ST6GAL2: variants seen among roughly 807,000 people sequenced by gnomAD.
ST6GAL2 encodes beta-galactoside alpha-2,6-sialyltransferase 2.
In ST6GAL2, 24 loss-of-function variants were observed where a neutral mutation model predicts 37.5. The observed-to-expected ratio is 0.64, with a 90% confidence interval of 0.46 to 0.90. The LOEUF (loss-of-function observed/expected upper bound fraction) is 0.90. ST6GAL2 is among the 40% of genes least tolerant of loss of function. The probability of loss-of-function intolerance (pLI) is 0.00; values close to 1 mark genes in which losing one functional copy is unlikely to be tolerated. For missense variants in ST6GAL2, 715 were observed against 712.7 expected, an observed-to-expected ratio of 1.00 and a Z score of -0.04; for synonymous variants, 306 against 295.1, an observed-to-expected ratio of 1.04 and a Z score of -0.38.
intron 1 of ST6GAL2, among the ~76,000 whole-genome samples, chr2:106,852,762 T>A (rs1377464386): frequency 6.6e-6 from 1 of 152,072 alleles, no homozygotes; most frequent in African/African-American, 2.4e-5. Context: ...GGTTAGGCTG[T>A]TGTAGGGTTA....
chr2:106,842,556 CCT>C (rs1275563764), intron 2 of ST6GAL2, among the ~76,000 whole-genome samples: 2 of 152,176 alleles, frequency 1.3e-5, no homozygotes, highest in Non-Finnish European at 2.9e-5. Context: ...GAGCTGACGC[CCT>C]GATTGGGCAG....
At chr2:106,870,900 C>T (rs1678236060) in intron 1 of ST6GAL2, among the ~76,000 whole-genome samples, 1 of 152,114 alleles carries the variant, frequency 6.6e-6, no homozygotes, top group African/African-American at 2.4e-5. Context: ...GATCTAAGAT[C>T]ATTAAGCAAA....
intron 2 of ST6GAL2, among the ~76,000 whole-genome samples, chr2:106,841,592 A>G (rs1311773833): frequency 6.6e-6 from 1 of 152,142 alleles, no homozygotes; most frequent in East Asian, 1.9e-4. Context: ...GCCTGGGAAG[A>G]AGGGGGGTTC....
chr2:106,844,102 A>G, intron 1 of ST6GAL2, 68 bp from the exon 2 acceptor site: 2 of 732,550 alleles, frequency 2.7e-6, no homozygotes, highest in East Asian at 2.6e-5. Context: ...GGGACATTCT[A>G]TCTTGAGCAG....
intron 2 of ST6GAL2, among the ~76,000 whole-genome samples, chr2:106,835,232 G>T (rs1676587284): frequency 6.6e-6 from 1 of 152,212 alleles, no homozygotes. Context: ...CAAGGACAGT[G>T]CCTGTCTGTG....
chr2:106,879,287 C>A (rs1161076458), intron 1 of ST6GAL2, among the ~76,000 whole-genome samples: 7 of 152,142 alleles, frequency 4.6e-5, no homozygotes, highest in Non-Finnish European at 1.5e-5. Context: ...CTCTGTGGGG[C>A]AAAGTGTAGA....
rs2166849 is a variant in ST6GAL2 at position 106,849,922 on chromosome 2, T to C, written c.-57-5888A>G. 0.011 allele frequency among the ~76,000 whole-genome samples: 1,631 copies of C among 152,310 alleles called. 132 individuals carry two copies. The East Asian group carries it at 0.22, about 20-fold the overall frequency. ...GCTAAACCAATGCACACCTTTCATG[T>C]ATTGATTAATGATTTTATCTACAAT... On this transcript the variant is annotated intron_variant, in intron 1 of 5. Transcript: ENST00000409382.
chr2:106,853,677 T>A (rs1440153631), intron 1 of ST6GAL2, among the ~76,000 whole-genome samples: 1 of 152,184 alleles, frequency 6.6e-6, no homozygotes, highest in African/African-American at 2.4e-5. Context: ...GATACCATTA[T>A]CTTTCTGGGT....
chr2:106,884,934 T>TATATATATATATATATATACACACACAC (rs1425070594), intron 1 of ST6GAL2, among the ~76,000 whole-genome samples: 1 of 120,470 alleles, frequency 8.3e-6, no homozygotes, highest in African/African-American at 3.6e-5. Context: ...TATATATATA[T>TATATATATATATATATATACACACACAC]ACATACACAC....
rs1216508775 is a variant in ST6GAL2, at chr2:106,832,678, C to T, written c.1042-12G>A. On this transcript the variant is annotated splice_polypyrimidine_tract_variant and intron_variant, in intron 3 of 5. Coordinates refer to ENST00000409382, the MANE Select transcript of ST6GAL2 (RefSeq NM_001142351.2). ...GGGTTGGTCAGAATCTGCAAACACA[C>T]AGAAAAACCATTTCAAAGCCAGGGT... The T allele has an allele frequency of 2.0e-6, 3 of 1,534,144 alleles. No homozygotes were observed. Among genetic ancestry groups the T allele is most frequent in the East Asian group, 2.2e-5 (1 of 44,492 alleles).
chr2:106,833,279 C>G (rs1414732258), intron 3 of ST6GAL2, among the ~76,000 whole-genome samples: 1 of 151,526 alleles, frequency 6.6e-6, no homozygotes, highest in Non-Finnish European at 1.5e-5. Context: ...GATATGTATT[C>G]TAATTTGGTG....
At chr2:106,846,340 CA>C (rs1016956694) in intron 1 of ST6GAL2, among the ~76,000 whole-genome samples, 2 of 152,030 alleles carry the variant, frequency 1.3e-5, no homozygotes, top group African/African-American at 2.4e-5. Context: ...ATTTTAGATT[CA>C]GGGGTACATG....
chr2:106,849,794 C>A (rs981634841), intron 1 of ST6GAL2, among the ~76,000 whole-genome samples: 1 of 152,202 alleles, frequency 6.6e-6, no homozygotes, highest in Admixed American at 6.5e-5. Context: ...TGACTTCAAG[C>A]CTTGAGACAA....
chr2:106,807,443 A>G (rs1391896001), intron 5 of ST6GAL2, among the ~76,000 whole-genome samples: 1 of 152,238 alleles, frequency 6.6e-6, no homozygotes, highest in African/African-American at 2.4e-5. Flanking sequence ...GTAACATAAA[A>G]CTGTACAATG....
intron 2 of ST6GAL2, among the ~76,000 whole-genome samples, chr2:106,841,441 G>C (rs954861811): frequency 6.6e-6 from 1 of 152,218 alleles, no homozygotes; most frequent in Non-Finnish European, 1.5e-5. Flanking sequence ...CTGGACTTGA[G>C]GCTGACGCTG....
chr2:106,881,347 C>T lies in ST6GAL2; in HGVS notation c.-58+4746G>A, dbSNP rs140156300. On this transcript the variant is annotated intron_variant, in intron 1 of 5. Coordinates refer to ENST00000409382, the MANE Select transcript of ST6GAL2 (RefSeq NM_001142351.2). Reference sequence around the variant, plus strand: ...AAAATATAATTTACATAGCAAGATCCCTCTTCTAACAGTACAAACAAATCC... The same window carrying T: ...AAAATATAATTTACATAGCAAGATCTCTCTTCTAACAGTACAAACAAATCC... Among the ~76,000 whole-genome samples, 60 of 152,218 alleles carry T rather than the reference C, an allele frequency of 3.9e-4. No homozygotes were observed. The East Asian group carries it at 0.01, about 25-fold the overall frequency.
chr2:106,826,379 C>T (rs1371913827), intron 5 of ST6GAL2, among the ~76,000 whole-genome samples: 2 of 151,864 alleles, frequency 1.3e-5, no homozygotes, highest in African/African-American at 2.4e-5. Flanking sequence ...ACAGAGTGGG[C>T]GGGAGGTGGT....
At position 106,805,214 on chromosome 2, in the gene ST6GAL2, C is replaced by T. The variant is rs143901423; in HGVS notation, c.*1464G>A. 79 of 152,324 alleles carry T rather than the reference C, an allele frequency of 5.2e-4. 1 individual carries two copies. The highest frequency in any genetic ancestry group is 1.9e-3 in the African/African-American group (79 of 41,580). 9.4% of individuals were successfully genotyped at this position (152,324 alleles called of 1,614,324 possible). ...CCACTAAACTCTCCTGACATTCATA[C>T]ATTTTGCAAGGGAGAACGCATTTAA... On this transcript the variant is annotated 3_prime_UTR_variant, in exon 6 of 6. Coordinates refer to ENST00000409382, the MANE Select transcript of ST6GAL2 (RefSeq NM_001142351.2).
In ST6GAL2 at chr2:106,843,496, C is replaced by T. The variant is rs1677005066; in HGVS notation, c.482G>A (p.Gly161Glu). ...CTGGACCTGTGCAGCCGGAAAAGCCCCCTCCCGTGGGCCTGGCTCCCCGGG... is the reference window on the plus strand; with the variant it reads ...CTGGACCTGTGCAGCCGGAAAAGCCTCCTCCCGTGGGCCTGGCTCCCCGGG... ...PSPGEPGPREGAFPAAQVQRR... is the reference protein window; with the variant it reads ...PSPGEPGPREEAFPAAQVQRR... Residue 161 changes from glycine (G) to glutamate (E), a missense_variant, in exon 2 of 6, where the codon GGG becomes GAG. Transcript: ENST00000409382. 1 of 1,613,940 alleles carries T rather than the reference C, an allele frequency of 6.2e-7. No individual in the cohort carries two copies. Among genetic ancestry groups the T allele is most frequent in the East Asian group, 2.2e-5 (1 of 44,874 alleles).
Sources: allele counts gnomAD v4.1 joint callset (sites outside exome capture counted in the v4.1 genomes callset), GRCh38; gene constraint gnomAD v4.1.1; transcripts MANE v1.5; gene names NCBI Gene and HGNC (gene_info 2026-07-23, HGNC 2026-07-21).